The following SGCZ variants were observed in gnomAD, a reference collection of about 807,000 sequenced individuals.
SGCZ encodes the protein sarcoglycan zeta.
A neutral mutation model predicts 41.3 loss-of-function variants in SGCZ; 40 were observed. The observed-to-expected ratio is 0.97, with a 90% confidence interval of 0.75 to 1.26. The LOEUF (loss-of-function observed/expected upper bound fraction) is 1.26. Ranked by LOEUF, SGCZ falls within the 50% of genes most tolerant of loss-of-function variation. The probability of loss-of-function intolerance (pLI) is 0.00; values close to 1 mark genes in which losing one functional copy is unlikely to be tolerated. For synonymous variants in SGCZ, 206 were observed against 137.5 expected (o/e 1.50, Z -3.49); for missense variants, 552 against 369.8 (o/e 1.49, Z -4.04).
chr8:14,372,404 A>C (rs1389157732), intron 2 of SGCZ, among the ~76,000 whole-genome samples: 2 of 152,162 alleles, frequency 1.3e-5, no homozygotes, highest in African/African-American at 4.8e-5. Flanking sequence ...GTGCCAGATA[A>C]TCTTCTATGT....
intron 1 of SGCZ, among the ~76,000 whole-genome samples, chr8:14,568,475 T>C (rs1391802545): frequency 6.7e-6 from 1 of 150,288 alleles, no homozygotes; most frequent in Non-Finnish European, 1.5e-5. Flanking sequence ...AGAAGATGCT[T>C]AGTTGTTCTT....
At chr8:14,571,837 A>G (rs542151653) in intron 1 of SGCZ, among the ~76,000 whole-genome samples, 1 of 152,310 alleles carries the variant, frequency 6.6e-6, no homozygotes, top group African/African-American at 2.4e-5. Context: ...AATTATGTCA[A>G]CTGCTGGTTC....
Position 14,597,055 on chromosome 8 carries a change from G to C in SGCZ, c.40-42129C>G, listed in dbSNP as rs547733272. Among the ~76,000 whole-genome samples, 151 of 152,194 alleles carry C rather than the reference G, an allele frequency of 9.9e-4. 2 individuals are homozygous for C. The highest frequency in any genetic ancestry group is 3.5e-3 in the African/African-American group (146 of 41,522). ...CAAAACGCCTGAGGTAGTTTAGTAG[G>C]CAGCATTTTCAAAAGTTAAACTAGA... On this transcript the variant is annotated intron_variant, in intron 1 of 7. Coordinates refer to ENST00000382080, the MANE Select transcript of SGCZ (RefSeq NM_139167.4).
chr8:14,763,169 T>C (rs996792515), intron 1 of SGCZ, among the ~76,000 whole-genome samples: 1 of 152,172 alleles, frequency 6.6e-6, no homozygotes, highest in East Asian at 1.9e-4. Context: ...CTGGTTAAAA[T>C]AGTCTCAGAG....
At position 14,090,354 on chromosome 8, in the gene SGCZ, T is replaced by A; in HGVS notation, c.*89A>T. ...CTCTGTGGACCATTCGAAGAAGCTC[T>A]GGACTGATCACAAGGGAAACCGAGC... On this transcript the variant is annotated 3_prime_UTR_variant, in exon 8 of 8. Transcript: ENST00000382080. The A allele has an allele frequency of 7.0e-7, 1 of 1,423,178 alleles. No individual in the cohort carries two copies. Among genetic ancestry groups the A allele is most frequent in the Non-Finnish European group, 9.5e-7 (1 of 1,049,992 alleles). 88.2% of individuals were successfully genotyped at this position (1,423,178 alleles called of 1,614,324 possible). A position where few individuals can be genotyped will look rare whatever the true frequency, so the allele number is the denominator to read the frequency against.
chr8:14,854,827 G>T (rs1037936057), intron 1 of SGCZ, among the ~76,000 whole-genome samples: 8 of 151,892 alleles, frequency 5.3e-5, no homozygotes, highest in Non-Finnish European at 1.2e-4. Flanking sequence ...TATAAACCCG[G>T]CAGAGAGTGG....
At chr8:14,966,187 C>A (rs1225436267) in intron 1 of SGCZ, among the ~76,000 whole-genome samples, 2 of 151,378 alleles carry the variant, frequency 1.3e-5, no homozygotes, top group African/African-American at 4.8e-5. Flanking sequence ...AAAATATAAA[C>A]AAACCCAAGG....
chr8:14,121,936 A>G (rs1171272760), intron 5 of SGCZ, among the ~76,000 whole-genome samples: 4 of 152,168 alleles, frequency 2.6e-5, no homozygotes, highest in Non-Finnish European at 5.9e-5. Context: ...TAGCCCTACA[A>G]TGTATACCTC....
intron 5 of SGCZ, among the ~76,000 whole-genome samples, chr8:14,134,126 T>TATC (rs1803124529): frequency 6.6e-6 from 1 of 152,210 alleles, no homozygotes. Context: ...AATTGACAAA[T>TATC]ATCTATTTTA....
At chr8:14,416,992 G>A (rs1292956322) in intron 2 of SGCZ, among the ~76,000 whole-genome samples, 1 of 151,852 alleles carries the variant, frequency 6.6e-6, no homozygotes, top group Non-Finnish European at 1.5e-5. Context: ...AAGTATGGGA[G>A]TTAAATTGTT....
At chr8:15,182,778 T>A (rs746574831) in intron 1 of SGCZ, among the ~76,000 whole-genome samples, 61 of 152,244 alleles carry the variant, frequency 4.0e-4, no homozygotes, top group Non-Finnish European at 8.1e-4. Flanking sequence ...TCAAAATAAA[T>A]CTCAGGTTAC....
chr8:14,236,024 A>G (rs1055027993), intron 4 of SGCZ, among the ~76,000 whole-genome samples: 1 of 152,188 alleles, frequency 6.6e-6, no homozygotes, highest in African/African-American at 2.4e-5. Flanking sequence ...ACTTCTTTTT[A>G]TATCAAGGAC....
intron 1 of SGCZ, among the ~76,000 whole-genome samples, chr8:14,937,299 A>T (rs538736930): frequency 6.6e-6 from 1 of 152,056 alleles, no homozygotes; most frequent in Admixed American, 6.6e-5. Flanking sequence ...AATATTTCAT[A>T]AAAAAGATAA....
At chr8:14,402,268 G>C (rs954351977) in intron 2 of SGCZ, among the ~76,000 whole-genome samples, 4 of 151,190 alleles carry the variant, frequency 2.6e-5, no homozygotes, top group African/African-American at 7.4e-5. Flanking sequence ...AGTTTCTTTT[G>C]CTGTGCAGAA....
At chr8:14,941,786 CAT>C (rs1039030873) in intron 1 of SGCZ, among the ~76,000 whole-genome samples, 14 of 151,500 alleles carry the variant, frequency 9.2e-5, no homozygotes, top group East Asian at 7.8e-4. Flanking sequence ...TATCTCTTAA[CAT>C]ATGTTACATG....
At chr8:14,976,497 T>C (rs1421389286) in intron 1 of SGCZ, among the ~76,000 whole-genome samples, 1 of 152,196 alleles carries the variant, frequency 6.6e-6, no homozygotes, top group Non-Finnish European at 1.5e-5. Flanking sequence ...AGATGTATTT[T>C]ACAAGTTGCT....
intron 4 of SGCZ, among the ~76,000 whole-genome samples, chr8:14,195,577 A>G (rs987215837): frequency 6.6e-6 from 1 of 152,164 alleles, no homozygotes; most frequent in African/African-American, 2.4e-5. Flanking sequence ...ACAAAAATAC[A>G]AAGAGGACTA....
At position 15,237,764 on chromosome 8, in the gene SGCZ, G is replaced by A; in HGVS notation, c.-141C>T. ...TCTCAGTCTCATTCTCCGTGGTCAC[G>A]CCGCCTCCACCGGGTTAAAAATAAG... On this transcript the variant is annotated 5_prime_UTR_variant, in exon 1 of 8. Transcript: ENST00000382080. 1 of 712,970 alleles carries A rather than the reference G, an allele frequency of 1.4e-6. No homozygotes were observed. The highest frequency in any genetic ancestry group is 2.4e-6 in the Non-Finnish European group (1 of 415,202). 44.2% of individuals were successfully genotyped at this position (712,970 alleles called of 1,614,324 possible).
At chr8:14,760,579 C>A (rs938283218) in intron 1 of SGCZ, among the ~76,000 whole-genome samples, 1 of 152,114 alleles carries the variant, frequency 6.6e-6, no homozygotes, top group Non-Finnish European at 1.5e-5. Context: ...TTAACTTTTG[C>A]AGTGTACAAC....
Sources: gnomAD v4.1 joint callset for allele counts (sites outside exome capture counted in the v4.1 genomes callset) on GRCh38, gnomAD v4.1.1 for gene constraint, MANE v1.5 for transcripts, NCBI Gene and HGNC (gene_info 2026-07-23, HGNC 2026-07-21) for gene names.